RNF128: variants seen among roughly 807,000 people sequenced by gnomAD.
RNF128 encodes the protein E3 ubiquitin-protein ligase RNF128.
In RNF128, 13 loss-of-function variants were observed where a neutral mutation model predicts 26.2. The ratio of observed to expected loss-of-function variants is 0.50; its 90% confidence interval spans 0.32 to 0.79. RNF128 has a LOEUF of 0.79. Ranked by LOEUF, RNF128 falls within the 30% of genes least tolerant of loss-of-function variation. The pLI is 0.03. For synonymous variants in RNF128, 149 were observed against 142.5 expected, an observed-to-expected ratio of 1.05 and a Z score of -0.32; for missense variants, 315 against 349.7, an observed-to-expected ratio of 0.90 and a Z score of 0.79.
chrX:106,788,728 T>A (rs1225359342), intron 4 of RNF128, among the ~76,000 whole-genome samples: 1 of 64,096 alleles, frequency 1.6e-5, no homozygotes, highest in African/African-American at 6.3e-5. Flanking sequence ...ATATTTTAAA[T>A]ATAGTATATA....
intron 1 of RNF128, among the ~76,000 whole-genome samples, chrX:106,764,920 T>C (rs1483982364): frequency 1.8e-5 from 2 of 111,249 alleles, no homozygotes; most frequent in African/African-American, 6.5e-5. Flanking sequence ...TTTAGTGCCA[T>C]AGCTAAAAAT....
At chrX:106,754,586 A>G (rs1036755518) in intron 1 of RNF128, among the ~76,000 whole-genome samples, 3 of 108,577 alleles carry the variant, frequency 2.8e-5, no homozygotes, top group African/African-American at 1.0e-4. Context: ...TGAAATATCA[A>G]GCATCTTCTC....
chrX:106,695,748 C>A (rs1212620791), intron 1 of RNF128, among the ~76,000 whole-genome samples: 3 of 112,038 alleles, frequency 2.7e-5, no homozygotes, highest in African/African-American at 9.7e-5. Flanking sequence ...TTCTAAGGAA[C>A]CAACTTGCTA....
At chrX:106,702,610 CA>C (rs1489149195) in intron 1 of RNF128, among the ~76,000 whole-genome samples, 4 of 111,916 alleles carry the variant, frequency 3.6e-5, no homozygotes, top group Admixed American at 9.5e-5. Context: ...GCAAGGACAT[CA>C]TATAAACAAA....
At chrX:106,771,836 A>C (rs1298224877) in intron 1 of RNF128, among the ~76,000 whole-genome samples, 2 of 112,592 alleles carry the variant, frequency 1.8e-5, no homozygotes, top group African/African-American at 6.4e-5. Context: ...TGGGAGCTAC[A>C]GACTGGAGCT....
intron 5 of RNF128, among the ~76,000 whole-genome samples, 168 bp downstream of exon 5, chrX:106,790,450 C>T (rs1437628795): frequency 9.1e-6 from 1 of 110,245 alleles, no homozygotes; most frequent in Non-Finnish European, 1.9e-5. Flanking sequence ...CTTGGGCCAT[C>T]TCCATTTTCC....
intron 1 of RNF128, among the ~76,000 whole-genome samples, chrX:106,720,936 C>G (rs1411823500): frequency 9.0e-6 from 1 of 111,618 alleles, no homozygotes; most frequent in African/African-American, 3.3e-5. Context: ...GTTTTAGATA[C>G]AGCGTATCTA....
At chrX:106,760,399 A>G (rs1370551482) in intron 1 of RNF128, among the ~76,000 whole-genome samples, 1 of 111,627 alleles carries the variant, frequency 9.0e-6, no homozygotes, top group Non-Finnish European at 1.9e-5. Flanking sequence ...AACGTCACCA[A>G]TCATCAGGAA....
At chrX:106,756,659 T>A (rs1374827251) in intron 1 of RNF128, among the ~76,000 whole-genome samples, 5 of 109,980 alleles carry the variant, frequency 4.5e-5, no homozygotes, top group African/African-American at 6.7e-5. Flanking sequence ...GGCATTACCA[T>A]TCAGGACATA....
At chrX:106,700,892 T>A (rs1463207252) in intron 1 of RNF128, among the ~76,000 whole-genome samples, 4 of 112,325 alleles carry the variant, frequency 3.6e-5, no homozygotes, top group Non-Finnish European at 7.5e-5. Flanking sequence ...TTCATTCTTT[T>A]AACTATTGCA....
At chrX:106,710,712 G>T (rs1009281223) in intron 1 of RNF128, among the ~76,000 whole-genome samples, 1 of 100,544 alleles carries the variant, frequency 9.9e-6, no homozygotes, top group African/African-American at 3.8e-5. Flanking sequence ...AGCCAAGGTG[G>T]TGCCACTGCA....
At chrX:106,725,231 G>C (rs2147667085), upstream of RNF128, among the ~76,000 whole-genome samples, 1 of 111,268 alleles carries the variant, frequency 9.0e-6, no homozygotes, top group African/African-American at 3.3e-5. Context: ...CATGCTATTG[G>C]TCTCATATAC....
At chrX:106,720,424 G>C (rs1223038734) in intron 1 of RNF128, among the ~76,000 whole-genome samples, 1 of 111,057 alleles carries the variant, frequency 9.0e-6, no homozygotes, top group African/African-American at 3.3e-5. Flanking sequence ...ATGTTGCCCA[G>C]GCTGGTCTCA....
At chrX:106,776,948 T>C (rs1930475241) in intron 2 of RNF128, among the ~76,000 whole-genome samples, 1 of 111,707 alleles carries the variant, frequency 9.0e-6, no homozygotes, top group Non-Finnish European at 1.9e-5. Context: ...AACCTAGAAA[T>C]GACAGAATGA....
intron 1 of RNF128, among the ~76,000 whole-genome samples, chrX:106,718,329 G>A (rs1345235967): frequency 3.6e-5 from 4 of 111,416 alleles, no homozygotes; most frequent in South Asian, 3.8e-4. Flanking sequence ...TCCCCCTCTC[G>A]AAAATCAAAC....
intron 1 of RNF128, among the ~76,000 whole-genome samples, chrX:106,772,108 A>T (rs6622111): frequency 0.14 from 15,476 of 111,314 alleles, 1,131 homozygotes; most frequent in East Asian, 0.5. Flanking sequence ...GCAATCTGAC[A>T]TTCTTTTAAC....
intron 1 of RNF128, among the ~76,000 whole-genome samples, chrX:106,706,993 A>G (rs1353819145): frequency 8.9e-6 from 1 of 111,805 alleles, no homozygotes; most frequent in East Asian, 2.8e-4. Context: ...TTTTTGGCTA[A>G]CAGTTTATCC....
At chrX:106,775,494 T>A (rs1453681964) in intron 2 of RNF128, among the ~76,000 whole-genome samples, 2 of 111,833 alleles carry the variant, frequency 1.8e-5, no homozygotes, top group East Asian at 5.6e-4. Flanking sequence ...TTAACCTCTG[T>A]AGAAATGGTC....
chrX:106,763,680 G>A (rs1180469800), intron 1 of RNF128, among the ~76,000 whole-genome samples: 1 of 108,540 alleles, frequency 9.2e-6, no homozygotes, highest in East Asian at 3.0e-4. Flanking sequence ...CTAATTTTTT[G>A]TATTTTTAGT....
Sources: gnomAD v4.1 joint callset for allele counts (sites outside exome capture counted in the v4.1 genomes callset) on GRCh38, gnomAD v4.1.1 for gene constraint, MANE v1.5 for transcripts, NCBI Gene and HGNC (gene_info 2026-07-23, HGNC 2026-07-21) for gene names.